DDAH1: variants seen among roughly 807,000 people sequenced by gnomAD.
DDAH1 encodes N(G),N(G)-dimethylarginine dimethylaminohydrolase 1.
A neutral mutation model predicts 28.8 loss-of-function variants in DDAH1; 19 were observed. The observed-to-expected ratio is 0.66, with a 90% CI of 0.46 to 0.97. DDAH1 has a LOEUF of 0.97. Among genes scored for constraint, DDAH1 ranks in the 50% least tolerant of loss-of-function variants. DDAH1 has a pLI of 0.00. For missense variants in DDAH1, 326 were observed against 375.9 expected, an observed-to-expected ratio of 0.87 and a Z score of 1.10; for synonymous variants, 153 against 154.4, an observed-to-expected ratio of 0.99 and a Z score of 0.07.
chr1:85,420,492 AC>A (rs1653090964), intron 1 of DDAH1, among the ~76,000 whole-genome samples: 1 of 152,144 alleles, frequency 6.6e-6, no homozygotes, highest in African/African-American at 2.4e-5. Context: ...CCAGATAGAT[AC>A]CCTAGGTCAT....
intron 1 of DDAH1, chr1:85,404,516 A>G: frequency 1.4e-6 from 2 of 1,427,114 alleles, no homozygotes; most frequent in Admixed American, 2.6e-5. Flanking sequence ...TGAGCCATGG[A>G]GCAAATAATA....
intron 3 of DDAH1, 134 bp from the exon 4 acceptor site, chr1:85,350,668 C>T: frequency 9.1e-7 from 1 of 1,101,240 alleles, no homozygotes; most frequent in Non-Finnish European, 1.3e-6. Flanking sequence ...AAACTGGGAC[C>T]CACAGATTTG....
intron 1 of DDAH1, among the ~76,000 whole-genome samples, chr1:85,422,932 C>T (rs945446523): frequency 2.0e-5 from 3 of 152,150 alleles, no homozygotes; most frequent in Non-Finnish European, 4.4e-5. Context: ...ACCATGCTGC[C>T]ACCCTAATCT....
chr1:85,427,945 G>T (rs969521427), intron 1 of DDAH1, among the ~76,000 whole-genome samples: 3 of 152,200 alleles, frequency 2.0e-5, no homozygotes, highest in African/African-American at 7.2e-5. Context: ...ACAGGTGAGA[G>T]AAGTATAATC....
chr1:85,418,652 C>G (rs529252314), intron 1 of DDAH1, among the ~76,000 whole-genome samples: 1 of 152,324 alleles, frequency 6.6e-6, no homozygotes, highest in African/African-American at 2.4e-5. Context: ...GCCTTTCTCT[C>G]TAGCAAGCTG....
chr1:85,468,419 C>T (rs1655459702), upstream of DDAH1, among the ~76,000 whole-genome samples: 1 of 152,002 alleles, frequency 6.6e-6, no homozygotes, highest in East Asian at 1.9e-4. Flanking sequence ...CTTACGATTC[C>T]ACATAGCTGG....
At chr1:85,422,405 A>G (rs1489289904) in intron 1 of DDAH1, among the ~76,000 whole-genome samples, 2 of 152,190 alleles carry the variant, frequency 1.3e-5, no homozygotes, top group South Asian at 4.1e-4. Flanking sequence ...TTTAATTTTA[A>G]TAAAGTGTAG....
intron 2 of DDAH1, among the ~76,000 whole-genome samples, chr1:85,489,897 GT>G (rs1656329551): frequency 6.6e-6 from 1 of 152,070 alleles, no homozygotes. Flanking sequence ...TATATTGATG[GT>G]TTTTTGAAAT....
intron 1 of DDAH1, among the ~76,000 whole-genome samples, chr1:85,414,845 C>A (rs1347382941): frequency 6.6e-6 from 1 of 151,846 alleles, no homozygotes; most frequent in Non-Finnish European, 1.5e-5. Context: ...ACACAAATGG[C>A]CCATAAACAT....
chr1:85,479,968 A>T (rs999834302), intron 2 of DDAH1, among the ~76,000 whole-genome samples: 1 of 152,260 alleles, frequency 6.6e-6, no homozygotes, highest in African/African-American at 2.4e-5. Context: ...TTTCTGAAGC[A>T]GACGTTCAAT....
At chr1:85,481,162 A>G (rs1656003429) in intron 2 of DDAH1, among the ~76,000 whole-genome samples, 1 of 142,276 alleles carries the variant, frequency 7.0e-6, no homozygotes, top group African/African-American at 2.7e-5. Flanking sequence ...TAGTGGTGCA[A>G]TCTCAGCTCA....
intron 2 of DDAH1, among the ~76,000 whole-genome samples, chr1:85,483,862 C>G (rs914566901): frequency 6.6e-6 from 1 of 152,110 alleles, no homozygotes; most frequent in African/African-American, 2.4e-5. Flanking sequence ...AGTCATAAAG[C>G]TAATTTCAAT....
intron 1 of DDAH1, among the ~76,000 whole-genome samples, chr1:85,549,713 CTT>C (rs1363910371): frequency 6.6e-6 from 1 of 151,998 alleles, no homozygotes; most frequent in African/African-American, 2.4e-5. Flanking sequence ...ATAAGAGTGT[CTT>C]TGAGCTTTAA....
At chr1:85,430,455 T>C (rs1378820579) in intron 1 of DDAH1, among the ~76,000 whole-genome samples, 1 of 152,216 alleles carries the variant, frequency 6.6e-6, no homozygotes, top group Non-Finnish European at 1.5e-5. Flanking sequence ...GGTAGCTAGA[T>C]GTGGATAGCA....
intron 4 of DDAH1, among the ~76,000 whole-genome samples, chr1:85,326,787 A>G (rs1432718397): frequency 6.6e-6 from 1 of 152,246 alleles, no homozygotes; most frequent in Non-Finnish European, 1.5e-5. Context: ...GGATAGGCCC[A>G]TAGAGGGGCT....
chr1:85,497,877 C>G (rs1047635776), intron 1 of DDAH1, among the ~76,000 whole-genome samples: 2 of 152,074 alleles, frequency 1.3e-5, no homozygotes, highest in Non-Finnish European at 2.9e-5. Context: ...TCTTTCTTCC[C>G]CCTGAGATTT....
At chr1:85,566,076 T>A in intron 1 of DDAH1, among the ~76,000 whole-genome samples, 1 of 70,918 alleles carries the variant, frequency 1.4e-5, no homozygotes. Flanking sequence ...AGCAAAACTC[T>A]GTCTCAAAAA....
At chr1:85,547,237 C>T (rs1430881883) in intron 1 of DDAH1, among the ~76,000 whole-genome samples, 2 of 152,112 alleles carry the variant, frequency 1.3e-5, no homozygotes, top group African/African-American at 4.8e-5. Flanking sequence ...ACTAATAGTA[C>T]CTACGTCAGA....
upstream of DDAH1, among the ~76,000 whole-genome samples, chr1:85,467,026 G>A (rs1413691010): frequency 6.6e-6 from 1 of 151,254 alleles, no homozygotes; most frequent in African/African-American, 2.4e-5. Flanking sequence ...TAGTAGAGAC[G>A]GAGTTTCTCC....
Sources: allele counts gnomAD v4.1 joint callset (sites outside exome capture counted in the v4.1 genomes callset), GRCh38; gene constraint gnomAD v4.1.1; transcripts MANE v1.5; gene names NCBI Gene and HGNC (gene_info 2026-07-23, HGNC 2026-07-21).